Variants in CNBD1 observed in about 807,000 individuals in gnomAD.
CNBD1 encodes the protein cyclic nucleotide-binding domain-containing protein 1.
In CNBD1, 71 loss-of-function variants were observed where a neutral mutation model predicts 54.4. The ratio of observed to expected loss-of-function variants is 1.30; its 90% confidence interval spans 1.08 to 1.59. The LOEUF is 1.59. Ranked by LOEUF, CNBD1 falls within the 40% of genes most tolerant of loss-of-function variation. The pLI is 0.00. For missense variants in CNBD1, 659 were observed against 518.0 expected (o/e 1.27, Z -2.64); for synonymous variants, 182 against 170.7 (o/e 1.07, Z -0.51).
intron 8 of CNBD1, among the ~76,000 whole-genome samples, chr8:87,310,693 AG>A (rs1163452897): frequency 6.6e-6 from 1 of 152,206 alleles, no homozygotes; most frequent in African/African-American, 2.4e-5. Context: ...TTAAGCAAAA[AG>A]AACAAAGCCA....
chr8:87,351,824 C>A (rs993353803), intron 9 of CNBD1, 30 bp downstream of exon 9: 185 of 1,423,948 alleles, frequency 1.3e-4, no homozygotes, highest in Non-Finnish European at 1.6e-4. Flanking sequence ...TCTTTTTAAT[C>A]AATTAATCTA....
intron 4 of CNBD1, among the ~76,000 whole-genome samples, chr8:86,981,019 A>G (rs900592465): frequency 1.3e-5 from 2 of 152,222 alleles, no homozygotes; most frequent in Non-Finnish European, 2.9e-5. Flanking sequence ...GGGTGTGGTT[A>G]TAGCAATTTG....
intron 4 of CNBD1, among the ~76,000 whole-genome samples, chr8:87,164,027 C>T (rs1897323): frequency 0.57 from 86,624 of 151,708 alleles, 26,118 homozygotes; most frequent in African/African-American, 0.78. Flanking sequence ...TTTTGTAAAA[C>T]GCTTTTTCAG....
chr8:86,964,385 C>T lies in CNBD1; in HGVS notation c.431+24631C>T, dbSNP rs560013374. On this transcript the variant is annotated intron_variant, in intron 4 of 10. Coordinates refer to ENST00000518476, the MANE Select transcript of CNBD1 (RefSeq NM_173538.3). ...AACTAGATAAGGCTCATCCCCTTCC[C>T]TGGTCCTATATAAGATGTAAAGCTT... Among the ~76,000 whole-genome samples the T allele has an allele frequency of 7.2e-5, 11 of 152,338 alleles. No individual in the cohort carries two copies. The South Asian group carries it at 2.1e-3, about 29-fold the overall frequency.
intron 2 of CNBD1, among the ~76,000 whole-genome samples, chr8:87,394,657 G>GT (rs113599090): frequency 0.019 from 2,869 of 151,940 alleles, 92 homozygotes; most frequent in African/African-American, 0.062. Flanking sequence ...AGTTAAGATT[G>GT]TAAAATACCT....
intron 4 of CNBD1, among the ~76,000 whole-genome samples, chr8:86,942,800 A>G (rs1257051691): frequency 2.0e-5 from 3 of 152,222 alleles, no homozygotes; most frequent in African/African-American, 7.2e-5. Flanking sequence ...TAGTAACATC[A>G]TCAGTCTATT....
intron 7 of CNBD1, 60 bp downstream of exon 7, chr8:87,284,875 T>A (rs1397699082): frequency 8.2e-7 from 1 of 1,224,448 alleles, no homozygotes. Flanking sequence ...AAGCTACATT[T>A]TGATTCTCTA....
At chr8:87,321,412 T>C (rs558116280) in intron 8 of CNBD1, among the ~76,000 whole-genome samples, 1 of 152,298 alleles carries the variant, frequency 6.6e-6, no homozygotes, top group Admixed American at 6.5e-5. Context: ...GCAATATCTC[T>C]TTGTGATTTT....
intron 2 of CNBD1, among the ~76,000 whole-genome samples, chr8:87,390,682 A>G (rs576357695): frequency 0.018 from 2,809 of 152,038 alleles, 88 homozygotes; most frequent in African/African-American, 0.061. Context: ...AGTGAGTGTG[A>G]TGATTCCTCA....
intron 5 of CNBD1, among the ~76,000 whole-genome samples, chr8:87,228,257 C>T (rs999024928): frequency 5.9e-5 from 9 of 151,506 alleles, no homozygotes; most frequent in Middle Eastern, 3.4e-3. Context: ...AGTCCTTCTC[C>T]GTCCAGCTTT....
chr8:87,002,149 A>G (rs927387559), intron 4 of CNBD1, among the ~76,000 whole-genome samples: 5 of 152,168 alleles, frequency 3.3e-5, no homozygotes, highest in African/African-American at 1.2e-4. Context: ...CTAATCTAAT[A>G]GGAATCCCAG....
chr8:87,398,870 G>T (rs1443035637), intron 2 of CNBD1, among the ~76,000 whole-genome samples: 1 of 151,952 alleles, frequency 6.6e-6, no homozygotes, highest in Non-Finnish European at 1.5e-5. Flanking sequence ...TACTGACCAA[G>T]ACAGGCAGTA....
At chr8:87,419,990 G>A (rs910517957) in intron 2 of CNBD1, among the ~76,000 whole-genome samples, 1 of 149,604 alleles carries the variant, frequency 6.7e-6, no homozygotes, top group South Asian at 2.1e-4. Flanking sequence ...ATAGCAATAT[G>A]TAAGTATATT....
At chr8:87,228,833 C>G (rs947639125) in intron 5 of CNBD1, among the ~76,000 whole-genome samples, 1 of 152,168 alleles carries the variant, frequency 6.6e-6, no homozygotes, top group Admixed American at 6.5e-5. Flanking sequence ...GGCGCCCCTC[C>G]TCCAGCCTCG....
intron 8 of CNBD1, among the ~76,000 whole-genome samples, chr8:87,331,252 C>A (rs1809823165): frequency 6.6e-6 from 1 of 152,078 alleles, no homozygotes; most frequent in Non-Finnish European, 1.5e-5. Flanking sequence ...GTGTTGTTCC[C>A]CGATGTGTGT....
At chr8:87,422,818 T>A (rs958248190) in intron 2 of CNBD1, among the ~76,000 whole-genome samples, 13 of 152,266 alleles carry the variant, frequency 8.5e-5, no homozygotes, top group Admixed American at 7.8e-4. Context: ...AAGAAAGGCA[T>A]TGGTAGCTTG....
chr8:86,870,283 A>G (rs2453439), intron 1 of CNBD1, among the ~76,000 whole-genome samples: 102,671 of 149,034 alleles, frequency 0.69, 35,913 homozygotes, highest in African/African-American at 0.8. Flanking sequence ...CTGCCTCCTG[A>G]GTTCACGCCA....
chr8:86,904,985 G>T (rs995859720), intron 2 of CNBD1, 96 bp from the exon 3 acceptor site: 7 of 568,642 alleles, frequency 1.2e-5, no homozygotes, highest in Non-Finnish European at 2.2e-5. Flanking sequence ...AGACTAAATA[G>T]TATAGAATTG....
chr8:87,234,496 G>A (rs761693131), intron 5 of CNBD1, among the ~76,000 whole-genome samples: 21 of 152,154 alleles, frequency 1.4e-4, no homozygotes, highest in South Asian at 2.1e-4. Context: ...ACACAATTCC[G>A]TCAGAGTTCT....
Sources: allele counts gnomAD v4.1 joint callset (sites outside exome capture counted in the v4.1 genomes callset), GRCh38; gene constraint gnomAD v4.1.1; transcripts MANE v1.5; gene names NCBI Gene and HGNC (gene_info 2026-07-23, HGNC 2026-07-21).